The following DLGAP2 variants were observed in gnomAD, a reference collection of about 807,000 sequenced individuals.
DLGAP2 encodes the protein DLG associated protein 2, also known as disks large-associated protein 2.
A neutral mutation model predicts 100.3 loss-of-function variants in DLGAP2; 26 were observed. The ratio of observed to expected loss-of-function variants is 0.26; its 90% CI spans 0.19 to 0.36. DLGAP2 has a LOEUF of 0.36. Ranked by LOEUF, DLGAP2 falls within the 10% of genes least tolerant of loss-of-function variation. The probability of loss-of-function intolerance (pLI) is 1.00; values close to 1 mark genes in which losing one functional copy is unlikely to be tolerated. For missense variants in DLGAP2, 1,858 were observed against 1,453.2 expected, an observed-to-expected ratio of 1.28 and a Z score of -4.53; for synonymous variants, 886 against 630.1, an observed-to-expected ratio of 1.41 and a Z score of -6.08.
At chr8:1,029,492 G>A (rs575720180) in intron 2 of DLGAP2, among the ~76,000 whole-genome samples, 1 of 152,210 alleles carries the variant, frequency 6.6e-6, no homozygotes, top group South Asian at 2.1e-4. Context: ...GTTCTGGGGG[G>A]ATGGCCAAGG....
intron 2 of DLGAP2, among the ~76,000 whole-genome samples, chr8:1,218,022 G>C (rs939175865): frequency 3.9e-5 from 6 of 152,016 alleles, no homozygotes; most frequent in African/African-American, 1.4e-4. Flanking sequence ...TAGATTTGCA[G>C]ATATTTTCTC....
chr8:1,686,943 GCA>G (rs1030079538), intron 12 of DLGAP2, among the ~76,000 whole-genome samples: 1 of 152,138 alleles, frequency 6.6e-6, no homozygotes, highest in African/African-American at 2.4e-5. Flanking sequence ...TTTGATCTTA[GCA>G]CACTGTAGAC....
chr8:854,118 C>G (rs558628777), intron 1 of DLGAP2, among the ~76,000 whole-genome samples: 44 of 152,260 alleles, frequency 2.9e-4, no homozygotes, highest in African/African-American at 1.1e-3. Context: ...GAGATGAATT[C>G]CCGTTTCTTG....
At position 1,071,151 on chromosome 8, in the gene DLGAP2, G is replaced by A. The variant is rs528777257; in HGVS notation, c.73+163185G>A. On this transcript the variant is annotated intron_variant, in intron 2 of 14. Transcript: ENST00000637795. ...TGCAGCTGACTGCAGCCCAGCTGCC[G>A]AGCGGAAGCTGGGGAGGAGAGGATG... Among the ~76,000 whole-genome samples, 23 of 152,304 alleles carry A rather than the reference G, an allele frequency of 1.5e-4. No homozygotes were observed. The South Asian group carries it at 3.9e-3, about 26-fold the overall frequency.
At chr8:813,041 A>G (rs933996844) in intron 1 of DLGAP2, among the ~76,000 whole-genome samples, 24 of 152,360 alleles carry the variant, frequency 1.6e-4, no homozygotes, top group African/African-American at 5.5e-4. Context: ...GTAATTTTTC[A>G]TAATACCCCG....
intron 3 of DLGAP2, among the ~76,000 whole-genome samples, chr8:1,484,052 G>A (rs1423028612): frequency 6.6e-6 from 1 of 152,244 alleles, no homozygotes. Context: ...AGCAGTCCAT[G>A]TGGAGGCAGC....
At chr8:1,420,782 A>G (rs1429150724) in intron 3 of DLGAP2, among the ~76,000 whole-genome samples, 1 of 152,118 alleles carries the variant, frequency 6.6e-6, no homozygotes, top group African/African-American at 2.4e-5. Flanking sequence ...GCCCTCCCAC[A>G]GTGACCTTGA....
At chr8:1,070,336 T>C (rs1803389006) in intron 2 of DLGAP2, among the ~76,000 whole-genome samples, 1 of 152,162 alleles carries the variant, frequency 6.6e-6, no homozygotes, top group Non-Finnish European at 1.5e-5. Flanking sequence ...CCCGGGTGCC[T>C]GGTGAGCAGC....
intron 1 of DLGAP2, among the ~76,000 whole-genome samples, chr8:749,853 G>T (rs754229631): frequency 1.4e-4 from 22 of 152,280 alleles, no homozygotes; most frequent in Admixed American, 5.9e-4. Flanking sequence ...CCAGAGGTGT[G>T]GGGAGGGTCC....
intron 2 of DLGAP2, among the ~76,000 whole-genome samples, chr8:916,708 C>T (rs1798601777): frequency 6.6e-6 from 1 of 152,186 alleles, no homozygotes; most frequent in South Asian, 2.1e-4. Context: ...ATCCAGGCTT[C>T]TCCAGTGTCA....
chr8:1,057,773 A>C (rs896318090), intron 2 of DLGAP2, among the ~76,000 whole-genome samples: 11 of 152,260 alleles, frequency 7.2e-5, no homozygotes, highest in Admixed American at 5.9e-4. Context: ...AAAATGTGTT[A>C]CCAAGAGAAC....
chr8:878,957 T>A (rs1797733787), intron 1 of DLGAP2, among the ~76,000 whole-genome samples: 1 of 152,220 alleles, frequency 6.6e-6, no homozygotes, highest in Non-Finnish European at 1.5e-5. Flanking sequence ...CAAAAGGGAC[T>A]AAGACAGATG....
intron 3 of DLGAP2, among the ~76,000 whole-genome samples, chr8:1,407,353 A>T (rs74656479): frequency 0.032 from 1,221 of 38,554 alleles, 1 homozygote; most frequent in East Asian, 0.12. Context: ...GTGTATTGAG[A>T]ACTTACTGAG....
chr8:1,265,081 A>G (rs116011754), intron 3 of DLGAP2, among the ~76,000 whole-genome samples: 2,085 of 152,308 alleles, frequency 0.014, 52 homozygotes, highest in African/African-American at 0.048. Flanking sequence ...AGTCTCGAGT[A>G]TTTCTTCATA....
rs1448422999 is a variant in DLGAP2, at chr8:947,530, G to A, written c.73+39564G>A. 2.0e-5 allele frequency among the ~76,000 whole-genome samples: 3 copies of A among 152,210 alleles called. No homozygotes were observed. The South Asian group carries it at 6.2e-4, about 31-fold the overall frequency. ...GTGGCCCGTGGAGCCTGTGGTGGCT[G>A]CAGGTTGCTGATCCTGGACCCACAG... On this transcript the variant is annotated intron_variant, in intron 2 of 14. Coordinates refer to ENST00000637795, the MANE Select transcript of DLGAP2 (RefSeq NM_001346810.2).
intron 6 of DLGAP2, among the ~76,000 whole-genome samples, chr8:1,570,622 G>A (rs1427275168): frequency 2.0e-5 from 3 of 152,248 alleles, no homozygotes; most frequent in Non-Finnish European, 1.5e-5. Context: ...GGCGTCTGCT[G>A]GGATGGAGAG....
chr8:828,967 G>A (rs1796732943), intron 1 of DLGAP2, among the ~76,000 whole-genome samples: 1 of 152,128 alleles, frequency 6.6e-6, no homozygotes, highest in African/African-American at 2.4e-5. Context: ...TATTTCTACT[G>A]GGTAATGAAT....
intron 3 of DLGAP2, among the ~76,000 whole-genome samples, chr8:1,433,071 T>C (rs1004313226): frequency 3.9e-5 from 6 of 152,178 alleles, no homozygotes; most frequent in Admixed American, 2.6e-4. Context: ...GCACTTAACA[T>C]AGGCTTTGGG....
At chr8:973,804 G>A (rs1338645090) in intron 2 of DLGAP2, among the ~76,000 whole-genome samples, 2 of 151,188 alleles carry the variant, frequency 1.3e-5, no homozygotes, top group Admixed American at 1.3e-4. Context: ...CGAATCCGGG[G>A]CTCGGGCCCG....
Sources: allele counts gnomAD v4.1 joint callset (sites outside exome capture counted in the v4.1 genomes callset), GRCh38; gene constraint gnomAD v4.1.1; transcripts MANE v1.5; gene names NCBI Gene and HGNC (gene_info 2026-07-23, HGNC 2026-07-21).